SEMA6D: variants seen among roughly 807,000 people sequenced by gnomAD.
The protein encoded by SEMA6D is semaphorin 6D, also known as semaphorin-6D.
SEMA6D carries 35 observed loss-of-function variants against 106.6 expected under a neutral mutation model. The ratio of observed to expected loss-of-function variants is 0.33; its 90% CI spans 0.25 to 0.44. The LOEUF (loss-of-function observed/expected upper bound fraction) is 0.44, where lower values mean the gene tolerates loss of function less well. Among genes scored for constraint, SEMA6D ranks in the 20% least tolerant of loss-of-function variants. The pLI, the probability that SEMA6D is intolerant of heterozygous loss-of-function variation, is 1.00. For synonymous variants in SEMA6D, 499 were observed against 487.7 expected (o/e 1.02, Z -0.31); for missense variants, 1,185 against 1,345.9 (o/e 0.88, Z 1.87).
At chr15:47,739,471 C>A (rs939839425) in intron 1 of SEMA6D, among the ~76,000 whole-genome samples, 1 of 152,138 alleles carries the variant, frequency 6.6e-6, no homozygotes, top group African/African-American at 2.4e-5. Flanking sequence ...GGTCTCAGGG[C>A]TTTTAATCAT....
intron 3 of SEMA6D, among the ~76,000 whole-genome samples, chr15:47,476,055 G>A (rs1184379154): frequency 1.3e-5 from 2 of 152,168 alleles, no homozygotes; most frequent in East Asian, 1.9e-4. Flanking sequence ...CATTTATCAT[G>A]GATCCTGAGG....
intron 1 of SEMA6D, among the ~76,000 whole-genome samples, chr15:47,224,536 G>A (rs1398226091): frequency 2.0e-5 from 3 of 152,064 alleles, no homozygotes; most frequent in South Asian, 2.1e-4. Flanking sequence ...TGAAAATGAC[G>A]TTTTATCTCA....
intron 1 of SEMA6D, among the ~76,000 whole-genome samples, chr15:47,366,525 G>A (rs1223395692): frequency 6.6e-6 from 1 of 152,200 alleles, no homozygotes; most frequent in Non-Finnish European, 1.5e-5. Context: ...CAGGCCCTAA[G>A]ACTATATTTG....
intron 4 of SEMA6D, among the ~76,000 whole-genome samples, chr15:47,613,519 A>G (rs189693094): frequency 6.6e-6 from 1 of 152,176 alleles, no homozygotes; most frequent in Non-Finnish European, 1.5e-5. Flanking sequence ...TTAGGGTGAG[A>G]TACTAAGATG....
At chr15:47,238,408 C>G (rs188349572) in intron 1 of SEMA6D, among the ~76,000 whole-genome samples, 16 of 152,232 alleles carry the variant, frequency 1.1e-4, no homozygotes, top group African/African-American at 3.4e-4. Flanking sequence ...CCCTCACCCC[C>G]CAGAGTATAC....
chr15:47,342,072 A>G (rs2037841212), intron 1 of SEMA6D, among the ~76,000 whole-genome samples: 1 of 151,932 alleles, frequency 6.6e-6, no homozygotes, highest in African/African-American at 2.4e-5. Flanking sequence ...ATCCAAAAGG[A>G]AGGCCTTTAG....
chr15:47,487,109 A>G (rs1159161897), intron 3 of SEMA6D, among the ~76,000 whole-genome samples: 1 of 152,230 alleles, frequency 6.6e-6, no homozygotes, highest in Non-Finnish European at 1.5e-5. Context: ...ACACATTAAT[A>G]CATTCTTTTC....
intron 3 of SEMA6D, among the ~76,000 whole-genome samples, chr15:47,546,532 C>G (rs551793279): frequency 6.6e-6 from 1 of 152,120 alleles, no homozygotes; most frequent in South Asian, 2.1e-4. Flanking sequence ...AATTCTCTCT[C>G]AGTGCAAAAA....
At chr15:47,395,347 G>T (rs116980570) in intron 1 of SEMA6D, among the ~76,000 whole-genome samples, 1 of 152,124 alleles carries the variant, frequency 6.6e-6, no homozygotes, top group African/African-American at 2.4e-5. Flanking sequence ...CAGTGGCTTT[G>T]TCAATAGAGA....
At chr15:47,189,295 T>G (rs994639047) in intron 1 of SEMA6D, among the ~76,000 whole-genome samples, 1 of 152,166 alleles carries the variant, frequency 6.6e-6, no homozygotes, top group South Asian at 2.1e-4. Context: ...GCTGGCAGCT[T>G]TTGAAATTTC....
intron 4 of SEMA6D, among the ~76,000 whole-genome samples, chr15:47,602,744 A>G (rs936046070): frequency 2.0e-5 from 3 of 152,092 alleles, no homozygotes; most frequent in African/African-American, 7.2e-5. Flanking sequence ...ATCTTGTTCC[A>G]GTTGTAAAGA....
chr15:47,467,012 A>G (rs1821367739), intron 2 of SEMA6D, among the ~76,000 whole-genome samples: 2 of 151,772 alleles, frequency 1.3e-5, no homozygotes, highest in African/African-American at 4.8e-5. Flanking sequence ...TACAGGCATG[A>G]GCTACTGCAC....
chr15:47,691,849 TAAA>T (rs5812407), intron 4 of SEMA6D, among the ~76,000 whole-genome samples: 2 of 144,514 alleles, frequency 1.4e-5, no homozygotes. Flanking sequence ...GAAAAGACAG[TAAA>T]AAAAAAAAAG....
chr15:47,245,419 G>A (rs1410251566), intron 1 of SEMA6D, among the ~76,000 whole-genome samples: 1 of 152,114 alleles, frequency 6.6e-6, no homozygotes, highest in East Asian at 1.9e-4. Flanking sequence ...TGGAGGAGAT[G>A]GTCCCTCAAC....
In SEMA6D at chr15:47,495,393, G is replaced by T. The variant is rs1331244256; in HGVS notation, c.-87+24848G>T. Among the ~76,000 whole-genome samples, 3 of 151,958 alleles carry T rather than the reference G, an allele frequency of 2.0e-5. No individual in the cohort carries two copies. The East Asian group carries it at 5.8e-4, about 29-fold the overall frequency. On this transcript the variant is annotated intron_variant, in intron 3 of 19. Coordinates refer to the SEMA6D transcript ENST00000558014. The stretch of plus-strand genomic sequence containing the variant: ...GATTCAACTTTGTACTGATGCCAAA[G>T]AACTTACTTTTTAAACTGAGGTTGT...
chr15:47,240,225 T>A (rs1012316726), intron 1 of SEMA6D, among the ~76,000 whole-genome samples: 11 of 152,318 alleles, frequency 7.2e-5, no homozygotes, highest in Admixed American at 3.9e-4. Flanking sequence ...CTACTGAATA[T>A]AGAATTTAGG....
At chr15:47,302,663 A>G (rs1409058197) in intron 1 of SEMA6D, among the ~76,000 whole-genome samples, 7 of 152,204 alleles carry the variant, frequency 4.6e-5, no homozygotes, top group South Asian at 4.2e-4. Flanking sequence ...AAGCAACGCT[A>G]GAGAGATACA....
chr15:47,551,713 C>A (rs1490184481), intron 3 of SEMA6D, among the ~76,000 whole-genome samples: 1 of 40,800 alleles, frequency 2.5e-5, no homozygotes, highest in African/African-American at 1.0e-4. Flanking sequence ...CCTTATGCAC[C>A]TGCATTTGAA....
chr15:47,617,169 G>C (rs1200805586), intron 4 of SEMA6D, among the ~76,000 whole-genome samples: 2 of 152,110 alleles, frequency 1.3e-5, no homozygotes, highest in Non-Finnish European at 2.9e-5. Flanking sequence ...GCTGGAGCTC[G>C]TTACTGTTTC....
Sources: gnomAD v4.1 joint callset for allele counts (sites outside exome capture counted in the v4.1 genomes callset) on GRCh38, gnomAD v4.1.1 for gene constraint, MANE v1.5 for transcripts, NCBI Gene and HGNC (gene_info 2026-07-23, HGNC 2026-07-21) for gene names.